The following PVT1 variants were observed in gnomAD, a reference collection of about 807,000 sequenced individuals.
The protein encoded by PVT1 is Pvt1 oncogene.
At chr8:127,888,383 C>T (rs1815553114) in intron 2 of PVT1, among the ~76,000 whole-genome samples, 1 of 152,160 alleles carries the variant, frequency 6.6e-6, no homozygotes, top group African/African-American at 2.4e-5. Flanking sequence ...AGTGGTGCCT[C>T]CTCATGGAAG....
At chr8:127,970,289 G>GTTTTTGTTTT in intron 3 of PVT1, among the ~76,000 whole-genome samples, 1 of 49,120 alleles carries the variant, frequency 2.0e-5, no homozygotes, top group African/African-American at 8.5e-5. Flanking sequence ...GCCATGATTT[G>GTTTTTGTTTT]TTTTTTTTTT....
At chr8:128,022,450 T>G (rs774567559) in intron 4 of PVT1, among the ~76,000 whole-genome samples, 10 of 152,238 alleles carry the variant, frequency 6.6e-5, no homozygotes, top group Non-Finnish European at 1.5e-4. Flanking sequence ...TAGCTTCTGT[T>G]GGCCAGAGCT....
At chr8:128,036,168 C>A (rs894157952) in intron 4 of PVT1, among the ~76,000 whole-genome samples, 4 of 152,178 alleles carry the variant, frequency 2.6e-5, no homozygotes, top group African/African-American at 9.7e-5. Context: ...TCACGTTCAC[C>A]TTTTGTTAGT....
chr8:127,870,299 C>G (rs1327537158), intron 2 of PVT1, among the ~76,000 whole-genome samples: 4 of 152,136 alleles, frequency 2.6e-5, no homozygotes, highest in Admixed American at 2.6e-4. Flanking sequence ...CAAGGAGCTC[C>G]AAGGATTGCA....
At chr8:127,809,236 A>G (rs1239876736) in intron 2 of PVT1, among the ~76,000 whole-genome samples, 1 of 151,974 alleles carries the variant, frequency 6.6e-6, no homozygotes, top group Admixed American at 6.6e-5. Context: ...CTGTTGCTTC[A>G]GGCAGGAGTG....
intron 2 of PVT1, among the ~76,000 whole-genome samples, chr8:127,829,032 G>A (rs918132265): frequency 6.6e-6 from 1 of 152,146 alleles, no homozygotes; most frequent in Non-Finnish European, 1.5e-5. Flanking sequence ...GGTGGCTCAC[G>A]TCTGTAATCC....
At chr8:127,913,125 C>T (rs899178770) in intron 3 of PVT1, among the ~76,000 whole-genome samples, 2 of 152,190 alleles carry the variant, frequency 1.3e-5, no homozygotes, top group African/African-American at 2.4e-5. Flanking sequence ...GCTGGGATTA[C>T]TGGTGTGAGC....
chr8:127,937,576 CACACAG>C (rs1311443448), intron 3 of PVT1, among the ~76,000 whole-genome samples: 6 of 122,476 alleles, frequency 4.9e-5, no homozygotes, highest in Non-Finnish European at 1.0e-4. Flanking sequence ...CACACACACA[CACACAG>C]AGAGAGAGAG....
At chr8:127,942,527 A>G (rs1000594906) in intron 3 of PVT1, among the ~76,000 whole-genome samples, 1 of 152,174 alleles carries the variant, frequency 6.6e-6, no homozygotes, top group African/African-American at 2.4e-5. Flanking sequence ...GAAGGCTGCC[A>G]TAGGGGAAAT....
chr8:127,882,738 C>T (rs1322769255), intron 2 of PVT1, among the ~76,000 whole-genome samples: 6 of 152,298 alleles, frequency 3.9e-5, no homozygotes, highest in African/African-American at 1.4e-4. Context: ...CCTCCTCGGC[C>T]TCCCAAAGTG....
At chr8:127,879,488 C>T (rs894281459) in intron 2 of PVT1, among the ~76,000 whole-genome samples, 3 of 152,202 alleles carry the variant, frequency 2.0e-5, no homozygotes, top group Admixed American at 1.3e-4. Context: ...GAGATCACGC[C>T]ACTGCACTCC....
chr8:128,014,361 G>A (rs185831427), intron 4 of PVT1, among the ~76,000 whole-genome samples: 106 of 152,274 alleles, frequency 7.0e-4, no homozygotes, highest in South Asian at 8.3e-4. Flanking sequence ...CTGAAACAAC[G>A]CTCCCTCATT....
chr8:127,998,798 T>C (rs1817138636), intron 4 of PVT1, among the ~76,000 whole-genome samples: 2 of 141,474 alleles, frequency 1.4e-5, no homozygotes, highest in African/African-American at 5.3e-5. Flanking sequence ...CTTCCTTTCC[T>C]CCTTCCTCTT....
chr8:128,087,883 C>T (rs889736402), intron 5 of PVT1, among the ~76,000 whole-genome samples: 2 of 151,202 alleles, frequency 1.3e-5, no homozygotes, highest in Admixed American at 1.3e-4. Flanking sequence ...CTCAGCTTCC[C>T]GAGTAGCTGG....
At chr8:127,998,856 C>CCTCT (rs1330523070) in intron 4 of PVT1, among the ~76,000 whole-genome samples, 1,931 of 128,178 alleles carry the variant, frequency 0.015, 57 homozygotes, top group African/African-American at 0.066. Flanking sequence ...TCCCTCCCTC[C>CCTCT]CTCTCTCTCT....
chr8:127,883,461 A>G (rs1273854886), intron 2 of PVT1, among the ~76,000 whole-genome samples: 1 of 152,216 alleles, frequency 6.6e-6, no homozygotes, highest in East Asian at 1.9e-4. Flanking sequence ...GGGAGGGTCA[A>G]GAAGGAAATG....
chr8:127,829,568 C>T (rs1326179628), intron 2 of PVT1, among the ~76,000 whole-genome samples: 2 of 152,120 alleles, frequency 1.3e-5, no homozygotes, highest in South Asian at 4.2e-4. Flanking sequence ...GCTGCTCAGC[C>T]CAATGTAAAG....
chr8:127,964,380 C>A (rs1286990006), intron 3 of PVT1, among the ~76,000 whole-genome samples: 1 of 152,230 alleles, frequency 6.6e-6, no homozygotes, highest in African/African-American at 2.4e-5. Flanking sequence ...CCGAAGCCAC[C>A]AGTGGGAGCA....
intron 4 of PVT1, among the ~76,000 whole-genome samples, chr8:128,019,919 A>C (rs751528686): frequency 6.6e-6 from 1 of 152,190 alleles, no homozygotes; most frequent in African/African-American, 2.4e-5. Flanking sequence ...ATGTTCTTCC[A>C]ATGACCTGTA....
Sources: gnomAD v4.1 joint callset for allele counts (sites outside exome capture counted in the v4.1 genomes callset) on GRCh38, gnomAD v4.1.1 for gene constraint, MANE v1.5 for transcripts, NCBI Gene and HGNC (gene_info 2026-07-23, HGNC 2026-07-21) for gene names.